The following INPP4B variants were observed in gnomAD, a reference collection of about 807,000 sequenced individuals.
The protein encoded by INPP4B is inositol polyphosphate 4-phosphatase type II.
In INPP4B, 55 loss-of-function variants were observed where a neutral mutation model predicts 122.5. That is an observed-to-expected ratio of 0.45 (90% CI 0.36 to 0.56). INPP4B has a LOEUF of 0.56. Among genes scored for constraint, INPP4B ranks in the 20% least tolerant of loss-of-function variants. The pLI, the probability that INPP4B is intolerant of heterozygous loss-of-function variation, is 0.00. For synonymous variants in INPP4B, 403 were observed against 388.7 expected, an observed-to-expected ratio of 1.04 and a Z score of -0.43; for missense variants, 1,000 against 1,097.7, an observed-to-expected ratio of 0.91 and a Z score of 1.26.
At chr4:142,232,300 C>T (rs1215807749) in intron 12 of INPP4B, among the ~76,000 whole-genome samples, 16 of 152,130 alleles carry the variant, frequency 1.1e-4, no homozygotes, top group Middle Eastern at 3.4e-3. Context: ...TGGTGGCAAT[C>T]CTTCGTGAAG....
At chr4:142,737,505 A>T (rs1475046075) in intron 1 of INPP4B, among the ~76,000 whole-genome samples, 1 of 152,210 alleles carries the variant, frequency 6.6e-6, no homozygotes, top group Admixed American at 6.5e-5. Context: ...AAACCATAAA[A>T]ACCCTAGAAG....
chr4:142,159,581 G>T (rs2152902152), intron 17 of INPP4B, among the ~76,000 whole-genome samples: 1 of 151,870 alleles, frequency 6.6e-6, no homozygotes, highest in African/African-American at 2.4e-5. Context: ...AATACAGCTA[G>T]CACACTATTT....
chr4:142,684,976 A>G (rs1466433297), intron 2 of INPP4B, among the ~76,000 whole-genome samples: 2 of 152,098 alleles, frequency 1.3e-5, no homozygotes, highest in Non-Finnish European at 2.9e-5. Flanking sequence ...ATCAAAGAAC[A>G]TATGTGTGAC....
intron 11 of INPP4B, among the ~76,000 whole-genome samples, chr4:142,249,347 G>T (rs1012502336): frequency 7.9e-5 from 12 of 152,052 alleles, no homozygotes; most frequent in African/African-American, 2.7e-4. Flanking sequence ...GAAGTACTCT[G>T]TAGAATTATA....
intron 2 of INPP4B, among the ~76,000 whole-genome samples, chr4:142,545,744 TATATATATACAC>T (rs1161987816): frequency 1.2e-4 from 16 of 138,582 alleles, no homozygotes; most frequent in South Asian, 2.3e-4. Context: ...CATATATGTG[TATATATATACAC>T]ATGTATATGT....
At chr4:142,336,654 C>T (rs1776708403) in intron 7 of INPP4B, among the ~76,000 whole-genome samples, 1 of 152,250 alleles carries the variant, frequency 6.6e-6, no homozygotes, top group South Asian at 2.1e-4. Flanking sequence ...TGATTCCCCT[C>T]CTCGTCCAGA....
chr4:142,370,885 C>T (rs1439204467), intron 7 of INPP4B, among the ~76,000 whole-genome samples: 1 of 151,868 alleles, frequency 6.6e-6, no homozygotes, highest in African/African-American at 2.4e-5. Context: ...TAAATGCAAC[C>T]CCTATCAAAA....
intron 18 of INPP4B, among the ~76,000 whole-genome samples, chr4:142,137,212 GC>G (rs1212094562): frequency 2.0e-5 from 3 of 151,714 alleles, no homozygotes; most frequent in Non-Finnish European, 4.4e-5. Flanking sequence ...ACAGAACAGA[GC>G]CCTCAGAAAT....
chr4:142,063,605 T>C (rs1393515519), intron 25 of INPP4B, among the ~76,000 whole-genome samples: 1 of 152,190 alleles, frequency 6.6e-6, no homozygotes, highest in East Asian at 1.9e-4. Flanking sequence ...AAAGGGCAAC[T>C]ACTAAATTTA....
chr4:142,638,254 T>G (rs1749596206), intron 2 of INPP4B, among the ~76,000 whole-genome samples: 1 of 152,208 alleles, frequency 6.6e-6, no homozygotes, highest in Non-Finnish European at 1.5e-5. Context: ...GTGTTGCATC[T>G]AAACAATCAT....
intron 11 of INPP4B, among the ~76,000 whole-genome samples, chr4:142,250,028 T>C (rs540097693): frequency 6.6e-6 from 1 of 152,374 alleles, no homozygotes; most frequent in Non-Finnish European, 1.5e-5. Context: ...TGAGTTATAT[T>C]GTTAGAAAGT....
chr4:142,548,454 C>G lies in INPP4B; in HGVS notation c.-190-85728G>C, dbSNP rs543380903. Among the ~76,000 whole-genome samples the G allele has an allele frequency of 2.0e-5, 3 of 152,234 alleles. No individual in the cohort carries two copies. The East Asian group carries it at 5.8e-4, about 29-fold the overall frequency. On this transcript the variant is annotated intron_variant, in intron 2 of 25. Coordinates refer to ENST00000262992, the MANE Select transcript of INPP4B (RefSeq NM_001101669.3). ...TCAATATATAAATTCCTAGAAGAGGCTAGCTAATTCGAGTGCTCTTGTCGT... is the reference window on the plus strand; with the variant it reads ...TCAATATATAAATTCCTAGAAGAGGGTAGCTAATTCGAGTGCTCTTGTCGT...
chr4:142,599,923 A>T (rs1285891587), intron 2 of INPP4B, among the ~76,000 whole-genome samples: 3 of 151,984 alleles, frequency 2.0e-5, no homozygotes, highest in Non-Finnish European at 4.4e-5. Context: ...AAGCAGAAGA[A>T]AGAATTTCAA....
intron 8 of INPP4B, among the ~76,000 whole-genome samples, chr4:142,310,326 A>G (rs989610967): frequency 6.6e-6 from 1 of 152,158 alleles, no homozygotes; most frequent in Non-Finnish European, 1.5e-5. Context: ...TATATAATTT[A>G]TTGTATTGAT....
intron 23 of INPP4B, among the ~76,000 whole-genome samples, chr4:142,105,586 G>A (rs942195923): frequency 6.6e-6 from 1 of 152,118 alleles, no homozygotes; most frequent in Non-Finnish European, 1.5e-5. Context: ...TTATCATTAA[G>A]TCCTGATATC....
At chr4:142,029,846 C>T in intron 25 of INPP4B, 1 of 1,065,260 alleles carries the variant, frequency 9.4e-7, no homozygotes, top group Non-Finnish European at 1.1e-6. Flanking sequence ...GAACTTCAAG[C>T]TTTCAGGATT....
intron 17 of INPP4B, among the ~76,000 whole-genome samples, chr4:142,154,089 T>C (rs1313058000): frequency 6.6e-6 from 1 of 152,092 alleles, no homozygotes. Context: ...AGGGAACAAC[T>C]GGCCCCATTC....
intron 10 of INPP4B, among the ~76,000 whole-genome samples, chr4:142,261,627 C>T (rs1348222229): frequency 6.6e-6 from 1 of 152,134 alleles, no homozygotes; most frequent in Non-Finnish European, 1.5e-5. Flanking sequence ...ATCAGCCTTG[C>T]TTGAGCTATT....
intron 2 of INPP4B, among the ~76,000 whole-genome samples, chr4:142,666,389 G>C (rs1756069717): frequency 6.6e-6 from 1 of 151,984 alleles, no homozygotes; most frequent in Admixed American, 6.6e-5. Context: ...AAAGAGTTTA[G>C]AGGTAAATAA....
Sources: gnomAD v4.1 joint callset for allele counts (sites outside exome capture counted in the v4.1 genomes callset) on GRCh38, gnomAD v4.1.1 for gene constraint, MANE v1.5 for transcripts, NCBI Gene and HGNC (gene_info 2026-07-23, HGNC 2026-07-21) for gene names.